PATJ: variants seen among roughly 807,000 people sequenced by gnomAD.
PATJ encodes PATJ crumbs cell polarity complex component.
Under a neutral mutation model 224.9 loss-of-function variants are expected in PATJ, and 190 were observed. The ratio of observed to expected loss-of-function variants is 0.84; its 90% CI spans 0.75 to 0.95. The LOEUF is 0.95. PATJ is among the 40% of genes least tolerant of loss of function. The pLI is 0.00. For missense variants in PATJ, 2,121 were observed against 2,270.3 expected (o/e 0.93, Z 1.34); for synonymous variants, 769 against 820.3 (o/e 0.94, Z 1.07).
chr1:61,939,676 C>CTTTTTTTTTTTTTT lies in PATJ; in HGVS notation c.3670+11860_3670+11873dup, dbSNP rs71050183. On this transcript the variant is annotated intron_variant, in intron 27 of 43. Transcript: ENST00000642238. ...AGCATGTATAAAAAGTTTCTATGTGCTTTTTTTTTTTTTTTTTTTTTTTTT... is the reference window on the plus strand; with the variant it reads ...AGCATGTATAAAAAGTTTCTATGTGCTTTTTTTTTTTTTTTTTTTTTTTTTTTTTTTTTTTTTTT... Among the ~76,000 whole-genome samples the CTTTTTTTTTTTTTT allele has an allele frequency of 2.4e-4, 14 of 58,874 alleles. 2 individuals are homozygous for CTTTTTTTTTTTTTT. Among genetic ancestry groups the CTTTTTTTTTTTTTT allele is most frequent in the African/African-American group, 1.1e-3 (12 of 10,684 alleles). The allele number at this position is 58,874 out of a possible 152,430, so 38.6% of individuals were successfully genotyped here.
chr1:61,780,363 G>A (rs1202856361), intron 7 of PATJ, among the ~76,000 whole-genome samples: 1 of 152,096 alleles, frequency 6.6e-6, no homozygotes, highest in Non-Finnish European at 1.5e-5. Context: ...TACTCAGGAG[G>A]CTGAGGCATG....
chr1:62,152,490 A>T (rs915049784), intron 42 of PATJ, among the ~76,000 whole-genome samples: 1 of 151,938 alleles, frequency 6.6e-6, no homozygotes, highest in Non-Finnish European at 1.5e-5. Context: ...CATCTCTACT[A>T]AAAATACAAA....
chr1:62,052,408 A>T (rs116692606), intron 31 of PATJ, among the ~76,000 whole-genome samples: 1,928 of 150,340 alleles, frequency 0.013, 23 homozygotes, highest in South Asian at 0.02. Context: ...TGGCATGAAG[A>T]GTACTAGCAG....
intron 20 of PATJ, among the ~76,000 whole-genome samples, chr1:61,866,810 T>C (rs1557782397): frequency 6.6e-6 from 1 of 152,218 alleles, no homozygotes; most frequent in East Asian, 1.9e-4. Context: ...AATAAAAGAA[T>C]GGCTACTCCA....
At chr1:62,143,174 C>T (rs1667669228) in intron 41 of PATJ, among the ~76,000 whole-genome samples, 1 of 152,056 alleles carries the variant, frequency 6.6e-6, no homozygotes, top group Non-Finnish European at 1.5e-5. Flanking sequence ...GAGCGATCAG[C>T]TATATGGCTG....
intron 11 of PATJ, among the ~76,000 whole-genome samples, chr1:61,799,892 T>C (rs992674052): frequency 5.9e-5 from 9 of 152,218 alleles, no homozygotes; most frequent in Non-Finnish European, 1.3e-4. Context: ...CATAATTTCA[T>C]TCTTTTTATG....
chr1:61,746,109 A>ATT (rs1645012831), intron 1 of PATJ, among the ~76,000 whole-genome samples: 1 of 145,142 alleles, frequency 6.9e-6, no homozygotes, highest in African/African-American at 2.6e-5. Context: ...ATATATATAT[A>ATT]TTTTGTATTT....
At chr1:61,941,537 G>C (rs1011835791) in intron 27 of PATJ, among the ~76,000 whole-genome samples, 1 of 152,100 alleles carries the variant, frequency 6.6e-6, no homozygotes, top group African/African-American at 2.4e-5. Flanking sequence ...TGTAGTCCCA[G>C]CTATTTGATA....
intron 7 of PATJ, among the ~76,000 whole-genome samples, chr1:61,777,703 CTTTTTT>C (rs66470863): frequency 2.1e-5 from 1 of 48,746 alleles, no homozygotes; most frequent in African/African-American, 1.1e-4. Flanking sequence ...TTCTTTCTTT[CTTTTTT>C]TTTTTTTTTT....
chr1:62,062,392 C>CTTTTTTT (rs60747316), intron 31 of PATJ, among the ~76,000 whole-genome samples: 66 of 28,482 alleles, frequency 2.3e-3, no homozygotes, highest in Non-Finnish European at 3.0e-3. Context: ...ATGTTGTCTT[C>CTTTTTTT]TTTTTTTTTT....
chr1:61,849,467 C>T (rs1662476333), intron 17 of PATJ, among the ~76,000 whole-genome samples: 1 of 152,160 alleles, frequency 6.6e-6, no homozygotes, highest in Non-Finnish European at 1.5e-5. Flanking sequence ...GTGGTGTACA[C>T]TTGTGGTCCC....
chr1:61,831,081 G>T (rs985238111), intron 16 of PATJ, among the ~76,000 whole-genome samples: 5 of 151,672 alleles, frequency 3.3e-5, no homozygotes, highest in Non-Finnish European at 5.9e-5. Flanking sequence ...CAGCTACTTG[G>T]GGGGGCTGAG....
chr1:62,129,063 C>A, intron 41 of PATJ, 118 bp downstream of exon 41: 1 of 595,124 alleles, frequency 1.7e-6, no homozygotes, highest in Non-Finnish European at 3.0e-6. Context: ...ATGTGAATTA[C>A]GAAGGTTGAA....
intron 38 of PATJ, among the ~76,000 whole-genome samples, 194 bp from the exon 39 acceptor site, chr1:62,122,823 CAAAA>C (rs367957104): frequency 3.9e-5 from 5 of 127,740 alleles, no homozygotes; most frequent in Non-Finnish European, 6.7e-5. Context: ...GACTCTGTGT[CAAAA>C]AAAAAAAAAA....
chr1:61,978,799 A>C (rs1644290595), intron 27 of PATJ, among the ~76,000 whole-genome samples: 1 of 152,034 alleles, frequency 6.6e-6, no homozygotes, highest in Non-Finnish European at 1.5e-5. Context: ...AGACCAGATA[A>C]CTAAATGTTT....
rs1198466705 is a variant in PATJ at position 62,043,142 on chromosome 1, A to G, written c.4032+5093A>G. On this transcript the variant is annotated intron_variant, in intron 30 of 43. Transcript: ENST00000642238. The stretch of plus-strand genomic sequence containing the variant: ...CATACAACCTTGGTAGAGGCAGTTA[A>G]CCTCCCAAAGTCTGTCTTTTTCTGT... Among the ~76,000 whole-genome samples the G allele has an allele frequency of 2.0e-5, 3 of 152,138 alleles. No individual in the cohort carries two copies. In the East Asian group the frequency reaches 5.8e-4, roughly 29 times the overall value.
chr1:61,790,517 T>TG lies in PATJ; in HGVS notation c.1069-831_1069-830insG, dbSNP rs1357272779. Among the ~76,000 whole-genome samples the TG allele has an allele frequency of 3.5e-5, 5 of 144,472 alleles. 1 individual carries two copies. Among genetic ancestry groups the TG allele is most frequent in the Middle Eastern group, 7.4e-3 (2 of 272 alleles). 94.8% of individuals were successfully genotyped at this position (144,472 alleles called of 152,430 possible). A position where few individuals can be genotyped will look rare whatever the true frequency, so the allele number is the denominator to read the frequency against. Reference sequence around the variant, plus strand: ...TTCTTTTTCTTCTTCTTTTTTTTGTTTTTTTTTTTTGTTTGAGACAGAGTC... The same window carrying TG: ...TTCTTTTTCTTCTTCTTTTTTTTGTTGTTTTTTTTTTGTTTGAGACAGAGTC... On this transcript the variant is annotated intron_variant, in intron 8 of 43. Transcript: ENST00000642238.
chr1:61,765,751 G>A (rs1211163532), intron 3 of PATJ, among the ~76,000 whole-genome samples: 1 of 152,086 alleles, frequency 6.6e-6, no homozygotes, highest in Non-Finnish European at 1.5e-5. Flanking sequence ...CTTAACCCCT[G>A]TGTGCCTCGG....
At chr1:61,832,835 G>A (rs2148790306) in intron 16 of PATJ, among the ~76,000 whole-genome samples, 1 of 152,226 alleles carries the variant, frequency 6.6e-6, no homozygotes, top group South Asian at 2.1e-4. Context: ...GCTATAATTA[G>A]TATAAAAACA....
Sources: gnomAD v4.1 joint callset for allele counts (sites outside exome capture counted in the v4.1 genomes callset) on GRCh38, gnomAD v4.1.1 for gene constraint, MANE v1.5 for transcripts, NCBI Gene and HGNC (gene_info 2026-07-23, HGNC 2026-07-21) for gene names.